CALML4: variants seen among roughly 807,000 people sequenced by gnomAD.
The protein encoded by CALML4 is calmodulin-like protein 4.
In CALML4, 16 loss-of-function variants were observed where a neutral mutation model predicts 17.9. The observed-to-expected ratio is 0.89, with a 90% CI of 0.61 to 1.36. CALML4 has a LOEUF of 1.36. Among genes scored for constraint, CALML4 ranks in the 40% most tolerant of loss-of-function variants. CALML4 has a pLI of 0.00. For synonymous variants in CALML4, 86 were observed against 71.5 expected, an observed-to-expected ratio of 1.20 and a Z score of -1.02; for missense variants, 203 against 194.8, an observed-to-expected ratio of 1.04 and a Z score of -0.25.
chr15:68,202,895 A>G (rs1595813188), intron 2 of CALML4, among the ~76,000 whole-genome samples: 2 of 143,040 alleles, frequency 1.4e-5, no homozygotes, highest in African/African-American at 2.7e-5. Context: ...GTTCACTGCA[A>G]CCTCCGCCTC....
chr15:68,195,288 G>C lies in CALML4; in HGVS notation c.365-1176C>G, dbSNP rs913902884. Among the ~76,000 whole-genome samples the C allele has an allele frequency of 2.6e-5, 4 of 152,190 alleles. No homozygotes were observed. The East Asian group carries it at 7.7e-4, about 29-fold the overall frequency. On this transcript the variant is annotated intron_variant, in intron 4 of 4. Coordinates refer to ENST00000467889, the MANE Select transcript of CALML4 (RefSeq NM_033429.3). ...CCGGTCGTCAGTTAGAAAATATCCT[G>C]TGATTCTCTGCTTAACTATCCTTCT...
chr15:68,206,006 C>T (rs1466749359), upstream of CALML4: 2 of 153,012 alleles, frequency 1.3e-5, no homozygotes, highest in Non-Finnish European at 2.9e-5. Context: ...TCCAGCCCCA[C>T]CACAGGCTCC....
At chr15:68,203,416 C>G (rs11071987) in intron 2 of CALML4, among the ~76,000 whole-genome samples, 2 of 152,062 alleles carry the variant, frequency 1.3e-5, no homozygotes, top group Non-Finnish European at 2.9e-5. Flanking sequence ...TTTTACCAAA[C>G]ACATTCATTA....
In CALML4 at chr15:68,197,913, G is replaced by A. The variant is rs1214431932; in HGVS notation, c.176-285C>T. Reference sequence around the variant, plus strand: ...GGTTCCCAACCACAGATGGAGGACTGGGCTCCTCTGCTCCCTTCTAGCGCT... The same window carrying A: ...GGTTCCCAACCACAGATGGAGGACTAGGCTCCTCTGCTCCCTTCTAGCGCT... On this transcript the variant is annotated intron_variant, in intron 3 of 4. Transcript: ENST00000467889. The surrounding 1 kb of genome is among the most constrained non-coding windows in gnomAD (Gnocchi z 4.1). The A allele has an allele frequency of 1.0e-5, 4 of 389,466 alleles. No homozygotes were observed. Among genetic ancestry groups the A allele is most frequent in the Non-Finnish European group, 4.7e-6 (1 of 211,226 alleles). 24.1% of individuals were successfully genotyped at this position (389,466 alleles called of 1,614,324 possible).
chr15:68,201,154 G>A (rs1176559780), intron 2 of CALML4, among the ~76,000 whole-genome samples: 1 of 152,134 alleles, frequency 6.6e-6, no homozygotes, highest in Admixed American at 6.5e-5. Context: ...ACAAATTCGC[G>A]GCCTTTGTGG....
In CALML4 at chr15:68,197,187, G is replaced by A. The variant is rs1011723772; in HGVS notation, c.364+253C>T. Among the ~76,000 whole-genome samples, 8 of 152,126 alleles carry A rather than the reference G, an allele frequency of 5.3e-5. No homozygotes were observed. Among genetic ancestry groups the A allele is most frequent in the African/African-American group, 1.7e-4 (7 of 41,442 alleles). On this transcript the variant is annotated intron_variant, in intron 4 of 4. Transcript: ENST00000467889. The surrounding 1 kb of genome is among the most constrained non-coding windows in gnomAD (Gnocchi z 4.1). ...CTGCACGCTCCAGCTGCCCTGCCTT[G>A]TGGGTTCCGAGCTGGGTTTCCCCTA...
intron 4 of CALML4, among the ~76,000 whole-genome samples, chr15:68,195,524 C>G (rs2141122986): frequency 6.6e-6 from 1 of 152,226 alleles, no homozygotes; most frequent in Non-Finnish European, 1.5e-5. Flanking sequence ...CAGCACTTAG[C>G]CAGGTGCCAA....
At position 68,205,279 on chromosome 15, in the gene CALML4, C is replaced by T. The variant is rs2093179130; in HGVS notation, c.-32G>A. The stretch of plus-strand genomic sequence containing the variant: ...GCCTCGGCTGCTACCCGTGGGCTTG[C>T]TGCTCCCAGAACCGCGTTCAGTTCC... On this transcript the variant is annotated 5_prime_UTR_variant, in exon 1 of 5. Transcript: ENST00000467889. This position sits in a 1 kb window ranked among gnomAD's most constrained non-coding sequence, Gnocchi z 4.8. The T allele has an allele frequency of 1.2e-6, 2 of 1,614,140 alleles. No homozygotes were observed. Among genetic ancestry groups the T allele is most frequent in the South Asian group, 2.2e-5 (2 of 91,078 alleles).
In CALML4 at chr15:68,195,283, A is replaced by G. The variant is rs560107648; in HGVS notation, c.365-1171T>C. 1.9e-4 allele frequency among the ~76,000 whole-genome samples: 29 copies of G among 152,324 alleles called. 1 individual carries two copies. The highest frequency in any genetic ancestry group is 1.8e-3 in the Admixed American group (27 of 15,306). On this transcript the variant is annotated intron_variant, in intron 4 of 4. Transcript: ENST00000467889. ...CACCTCCGGTCGTCAGTTAGAAAAT[A>G]TCCTGTGATTCTCTGCTTAACTATC...
upstream of CALML4, chr15:68,205,352 C>A (rs764145542): frequency 1.2e-6 from 2 of 1,614,014 alleles, no homozygotes; most frequent in South Asian, 1.1e-5. The surrounding 1 kb of genome is among the most constrained non-coding windows in gnomAD (Gnocchi z 4.8). Flanking sequence ...GGTGGAGGCC[C>A]GGGTAATAAA....
chr15:68,200,840 C>T lies in CALML4; in HGVS notation c.35-1159G>A, dbSNP rs778388613. Among the ~76,000 whole-genome samples, 19 of 152,182 alleles carry T rather than the reference C, an allele frequency of 1.2e-4. No homozygotes were observed. The highest frequency in any genetic ancestry group is 2.4e-4 in the Non-Finnish European group (16 of 68,026). On this transcript the variant is annotated intron_variant, in intron 2 of 4. Coordinates refer to ENST00000467889, the MANE Select transcript of CALML4 (RefSeq NM_033429.3). The surrounding 1 kb of genome is among the most constrained non-coding windows in gnomAD (Gnocchi z 4.3). The stretch of plus-strand genomic sequence containing the variant: ...GCTGAGCACTCCACCCCCAGGCCCT[C>T]GCTTCATCCCCACAACCCTGTGATG...
chr15:68,194,166 A>C, intron 4 of CALML4, 54 bp from the exon 5 acceptor site: 1 of 1,465,802 alleles, frequency 6.8e-7, no homozygotes, highest in Non-Finnish European at 9.6e-7. Context: ...CCATTATAAA[A>C]CAGTGAGTTT....
rs1413287697 is a variant in CALML4 at position 68,200,724 on chromosome 15, C to G, written c.35-1043G>C. ...GCTGGGGCTCAGGGCTCTGTTCTCT[C>G]TCCTGCTTCTCACACCACCCAGGTA... On this transcript the variant is annotated intron_variant, in intron 2 of 4. Transcript: ENST00000467889. The surrounding 1 kb of genome is among the most constrained non-coding windows in gnomAD (Gnocchi z 4.3). 6.6e-6 allele frequency among the ~76,000 whole-genome samples: 1 copy of G among 152,174 alleles called. No individual in the cohort carries two copies. The highest frequency in any genetic ancestry group is 1.5e-5 in the Non-Finnish European group (1 of 68,010).
intron 2 of CALML4, among the ~76,000 whole-genome samples, chr15:68,202,238 C>T (rs1331871347): frequency 1.3e-5 from 2 of 152,256 alleles, no homozygotes; most frequent in Non-Finnish European, 2.9e-5. Flanking sequence ...GTGTCCTCTG[C>T]ACTGTACAAA....
At chr15:68,203,343 TTTTTCCAATGAATGAA>T (rs1272696410) in intron 2 of CALML4, among the ~76,000 whole-genome samples, 2 of 152,240 alleles carry the variant, frequency 1.3e-5, no homozygotes, top group Admixed American at 1.3e-4. Flanking sequence ...AGTGCGATTC[TTTTTCCAATGAATGAA>T]TGGTCATTAA....
chr15:68,205,477 C>A, upstream of CALML4: 2 of 1,425,194 alleles, frequency 1.4e-6, no homozygotes, highest in Admixed American at 1.9e-5. The surrounding 1 kb of genome is among the most constrained non-coding windows in gnomAD (Gnocchi z 4.8). Flanking sequence ...AATGGGGCTG[C>A]AGAAGGCTCT....
Position 68,194,949 on chromosome 15 carries a change from T to A in CALML4, c.365-837A>T, listed in dbSNP as rs199730966. Among the ~76,000 whole-genome samples the A allele has an allele frequency of 7.1e-3, 952 of 134,456 alleles. 10 individuals are homozygous for A. The highest frequency in any genetic ancestry group is 0.024 in the African/African-American group (885 of 36,394). 88.2% of individuals were successfully genotyped at this position (134,456 alleles called of 152,430 possible). ...CATCACCTCTAAAAAAAAAAAAAAATGTTTGGGGGATGGGGTTTATATGAG... is the reference window on the plus strand; with the variant it reads ...CATCACCTCTAAAAAAAAAAAAAAAAGTTTGGGGGATGGGGTTTATATGAG... On this transcript the variant is annotated intron_variant, in intron 4 of 4. Coordinates refer to ENST00000467889, the MANE Select transcript of CALML4 (RefSeq NM_033429.3).
rs1304432070 is a variant in CALML4, at chr15:68,205,310, C to T, written c.-63G>A. ...CCAGAACCGCGTTCAGTTCCCTTTC[C>T]TCCAGCCTCAAGTCTAAAGTCTGCC... On this transcript the variant is annotated 5_prime_UTR_variant, in exon 1 of 5. Transcript: ENST00000467889. The surrounding 1 kb of genome is among the most constrained non-coding windows in gnomAD (Gnocchi z 4.8). 1 of 1,614,146 alleles carries T rather than the reference C, an allele frequency of 6.2e-7. No homozygotes were observed. Among genetic ancestry groups the T allele is most frequent in the Non-Finnish European group, 8.5e-7 (1 of 1,180,034 alleles).
chr15:68,196,127 C>T (rs1248288510), intron 4 of CALML4, among the ~76,000 whole-genome samples: 1 of 152,206 alleles, frequency 6.6e-6, no homozygotes, highest in Non-Finnish European at 1.5e-5. Flanking sequence ...CGGCTCACTG[C>T]AACCTCCGCC....
Sources: gnomAD v4.1 joint callset for allele counts (sites outside exome capture counted in the v4.1 genomes callset) on GRCh38, gnomAD v4.1.1 for gene constraint, Gnocchi (gnomAD v3.1) non-coding constraint, MANE v1.5 for transcripts, NCBI Gene and HGNC (gene_info 2026-07-23, HGNC 2026-07-21) for gene names.